Variants in STX6 observed in about 807,000 individuals in gnomAD.
STX6 encodes the protein syntaxin-6.
A neutral mutation model predicts 38.0 loss-of-function variants in STX6; 23 were observed. That is an observed-to-expected ratio of 0.60 (90% confidence interval 0.43 to 0.86). STX6 has a LOEUF of 0.86. STX6 is among the 40% of genes least tolerant of loss of function. STX6 has a pLI of 0.00. For synonymous variants in STX6, 123 were observed against 107.5 expected, an observed-to-expected ratio of 1.14 and a Z score of -0.89; for missense variants, 274 against 312.9, an observed-to-expected ratio of 0.88 and a Z score of 0.94.
chr1:180,976,623 C>T lies in STX6; in HGVS notation c.715G>A (p.Ala239Thr). 1.2e-6 allele frequency: 2 copies of T among 1,613,620 alleles called. No homozygotes were observed. The highest frequency in any genetic ancestry group is 1.7e-6 in the Non-Finnish European group (2 of 1,180,008). ...ACCAACAGGACTGCAAAGAGGATGG[C>T]TATGGCACACCATTGGCGCCGATCT... is the stretch of plus-strand genomic sequence containing the variant. The part of the protein sequence containing the change: ...TSDRRQWCAI[A>T]ILFAVLLVVL... The change falls in exon 8 of 8, where the codon GCC (alanine) becomes ACC (threonine). Residue 239 changes from alanine (A) to threonine (T), a missense_variant. Transcript: ENST00000258301.
intron 2 of STX6, 185 bp downstream of exon 2, chr1:181,005,109 A>G (rs370421356): frequency 4.3e-5 from 24 of 555,890 alleles, no homozygotes; most frequent in East Asian, 2.9e-4. Context: ...CACACACTGT[A>G]TAAGAATTTG....
At chr1:181,019,955 G>T (rs534479651) in intron 1 of STX6, among the ~76,000 whole-genome samples, 5 of 152,198 alleles carry the variant, frequency 3.3e-5, no homozygotes, top group African/African-American at 1.2e-4. Flanking sequence ...AAGGTCAGGA[G>T]ATCGAGACCA....
chr1:180,993,754 C>T (rs959689367), intron 3 of STX6, among the ~76,000 whole-genome samples: 1 of 152,146 alleles, frequency 6.6e-6, no homozygotes. Context: ...GAAGCTGGTA[C>T]TATTTCCATT....
chr1:181,011,121 T>C (rs1656386566), intron 1 of STX6, among the ~76,000 whole-genome samples: 1 of 152,252 alleles, frequency 6.6e-6, no homozygotes, highest in Non-Finnish European at 1.5e-5. Flanking sequence ...GCTTATTCCA[T>C]TCTAAAGCTC....
chr1:180,994,972 T>C (rs929949538), intron 3 of STX6, among the ~76,000 whole-genome samples: 6 of 151,866 alleles, frequency 4.0e-5, no homozygotes, highest in African/African-American at 1.2e-4. Context: ...AAAAAAATTT[T>C]TTTTTTTTTT....
At chr1:181,013,134 A>G (rs2102331058) in intron 1 of STX6, among the ~76,000 whole-genome samples, 1 of 151,264 alleles carries the variant, frequency 6.6e-6, no homozygotes, top group African/African-American at 2.4e-5. Flanking sequence ...GCCACAAGTA[A>G]TACATTCAGT....
rs144612051 is a variant in STX6 at position 180,990,099 on chromosome 1, C to A, written c.374G>T (p.Gly125Val). ...AERKNRQALL[G>V]DSGSQNWSTG... is the part of the protein sequence containing the mutation. ...GCTCCAGTTCTGGCTGCCACTGTCT[C>A]CCAGCAGTGCCTGTGTGAGAAGAAC... Residue 125 changes from glycine (G) to valine (V), a missense_variant, in exon 5 of 8, where the codon GGA (glycine) becomes GTA (valine). Coordinates refer to ENST00000258301, the MANE Select transcript of STX6 (RefSeq NM_005819.6). 9 of 1,614,004 alleles carry A rather than the reference C, an allele frequency of 5.6e-6. No homozygotes were observed. In the African/African-American group the frequency reaches 1.2e-4, roughly 22 times the overall value.
rs114031596 is a variant in STX6, at chr1:180,976,644, G to T, written c.694C>A (p.Arg232=). The change falls in exon 8 of 8, where the codon CGG becomes AGG. Residue 232 remains arginine, a splice_region_variant and synonymous_variant. Coordinates refer to ENST00000258301, the MANE Select transcript of STX6 (RefSeq NM_005819.6). The part of the protein sequence containing the change: ...LAKVSHMTSD[R]RQWCAIAILF... ...ATGGCTATGGCACACCATTGGCGCC[G>T]ATCTGGAAGGCAGGACATGGGGATT... The T allele has an allele frequency of 9.9e-5, 160 of 1,613,196 alleles. No individual in the cohort carries two copies. In the African/African-American group the frequency reaches 1.5e-3, roughly 15 times the overall value.
chr1:181,004,033 T>A (rs2102321120), intron 2 of STX6, among the ~76,000 whole-genome samples: 1 of 152,346 alleles, frequency 6.6e-6, no homozygotes, highest in African/African-American at 2.4e-5. Flanking sequence ...GACCTCTATA[T>A]GATAATGACT....
chr1:180,994,646 A>C (rs775998392), intron 3 of STX6, among the ~76,000 whole-genome samples: 6 of 152,236 alleles, frequency 3.9e-5, no homozygotes, highest in Non-Finnish European at 8.8e-5. Context: ...GACAAAGAAT[A>C]GATAGGTGGT....
chr1:180,999,205 T>C (rs1032331779), intron 3 of STX6, among the ~76,000 whole-genome samples: 5 of 152,220 alleles, frequency 3.3e-5, no homozygotes, highest in African/African-American at 4.8e-5. Context: ...GATTATTTCA[T>C]AGATAAAACT....
intron 1 of STX6, among the ~76,000 whole-genome samples, chr1:181,012,066 G>A (rs1445796536): frequency 6.6e-6 from 1 of 152,102 alleles, no homozygotes; most frequent in Admixed American, 6.5e-5. Flanking sequence ...TTCCATGAGA[G>A]AGTATATACC....
chr1:180,996,409 T>C (rs1655916953), intron 3 of STX6, among the ~76,000 whole-genome samples: 2 of 152,070 alleles, frequency 1.3e-5, no homozygotes, highest in South Asian at 4.1e-4. Flanking sequence ...CAAACATGAA[T>C]AGATGCAATA....
At chr1:180,980,001 G>T (rs561024791) in intron 7 of STX6, among the ~76,000 whole-genome samples, 5 of 152,240 alleles carry the variant, frequency 3.3e-5, no homozygotes, top group South Asian at 2.1e-4. Context: ...GAGGTTAGGA[G>T]TTCAAGACCA....
At chr1:181,013,719 T>C (rs1002401233) in intron 1 of STX6, among the ~76,000 whole-genome samples, 7 of 152,240 alleles carry the variant, frequency 4.6e-5, no homozygotes, top group African/African-American at 1.7e-4. Flanking sequence ...ATGGAGTCTG[T>C]AGATCAGGAA....
Position 181,022,758 on chromosome 1 carries a change from C to A in STX6, c.-85G>T. On this transcript the variant is annotated 5_prime_UTR_variant, in exon 1 of 8. Transcript: ENST00000258301. ...TCTCCCTCCGCCCACCCCGCCTGTT[C>A]CCGCAGCTGCCCGCGCCTTAGTCTG... 1.5e-6 allele frequency: 2 copies of A among 1,349,874 alleles called. No individual in the cohort carries two copies. Among genetic ancestry groups the A allele is most frequent in the African/African-American group, 1.4e-5 (1 of 69,018 alleles). 83.6% of individuals were successfully genotyped at this position (1,349,874 alleles called of 1,614,324 possible). A position where few individuals can be genotyped will look rare whatever the true frequency, so the allele number is the denominator to read the frequency against.
intron 1 of STX6, among the ~76,000 whole-genome samples, chr1:181,017,400 C>G (rs1656594176): frequency 6.6e-6 from 1 of 150,780 alleles, no homozygotes; most frequent in African/African-American, 2.4e-5. Context: ...CTCAAAAAAA[C>G]AAACAAACAA....
intron 7 of STX6, 96 bp from the exon 8 acceptor site, chr1:180,976,742 G>T: frequency 8.7e-7 from 1 of 1,155,196 alleles, no homozygotes; most frequent in Non-Finnish European, 1.3e-6. Flanking sequence ...AAGCAGAAAA[G>T]GGGCAGAACG....
At chr1:180,998,253 G>A (rs752426184) in intron 3 of STX6, among the ~76,000 whole-genome samples, 2 of 152,178 alleles carry the variant, frequency 1.3e-5, no homozygotes, top group Non-Finnish European at 2.9e-5. Context: ...ACCATGTGGG[G>A]TTATGTGTGT....
Sources: gnomAD v4.1 joint callset for allele counts (sites outside exome capture counted in the v4.1 genomes callset) on GRCh38, gnomAD v4.1.1 for gene constraint, MANE v1.5 for transcripts, NCBI Gene and HGNC (gene_info 2026-07-23, HGNC 2026-07-21) for gene names.